Variants in TM9SF3 observed in about 807,000 individuals in gnomAD.
The protein encoded by TM9SF3 is SM-11044-binding protein.
A neutral mutation model predicts 78.6 loss-of-function variants in TM9SF3; 14 were observed. That is an observed-to-expected ratio of 0.18 (90% CI 0.12 to 0.28). The LOEUF is 0.28. Ranked by LOEUF, TM9SF3 falls within the 10% of genes least tolerant of loss-of-function variation. The pLI is 1.00. For synonymous variants in TM9SF3, 231 were observed against 241.7 expected, an observed-to-expected ratio of 0.96 and a Z score of 0.41; for missense variants, 496 against 721.9, an observed-to-expected ratio of 0.69 and a Z score of 3.59.
At position 96,521,146 on chromosome 10, in the gene TM9SF3, A is replaced by C. The variant is rs1847763614; in HGVS notation, c.*1117T>G. 5.6e-6 allele frequency: 2 copies of C among 354,792 alleles called. No individual in the cohort carries two copies. Among genetic ancestry groups the C allele is most frequent in the Non-Finnish European group, 1.0e-5 (2 of 197,848 alleles). 22.0% of individuals were successfully genotyped at this position (354,792 alleles called of 1,614,324 possible). Reference sequence around the variant, plus strand: ...CAGAAGAAAACAACCCCCCTCCCAAAAGAAGTATGACACACACATTTTGAA... The same window carrying C: ...CAGAAGAAAACAACCCCCCTCCCAACAGAAGTATGACACACACATTTTGAA... On this transcript the variant is annotated 3_prime_UTR_variant, in exon 15 of 15. Transcript: ENST00000371142.
chr10:96,572,585 G>T (rs74622543), intron 2 of TM9SF3, among the ~76,000 whole-genome samples: 1,596 of 147,974 alleles, frequency 0.011, 25 homozygotes, highest in Non-Finnish European at 0.013. Context: ...GGAGTGCAAT[G>T]GCGCAATCTC....
At chr10:96,565,934 G>A (rs925435466) in intron 2 of TM9SF3, among the ~76,000 whole-genome samples, 1 of 152,092 alleles carries the variant, frequency 6.6e-6, no homozygotes, top group African/African-American at 2.4e-5. Flanking sequence ...TTCATAAGCA[G>A]GAAGATTAAA....
At chr10:96,535,165 C>T (rs1379127346) in intron 9 of TM9SF3, among the ~76,000 whole-genome samples, 2 of 152,160 alleles carry the variant, frequency 1.3e-5, no homozygotes, top group African/African-American at 4.8e-5. Context: ...TAGCATTTGT[C>T]AATATTTTCC....
chr10:96,522,360 C>T (rs761919505), intron 14 of TM9SF3, 30 bp from the exon 15 acceptor site: 1 of 1,515,156 alleles, frequency 6.6e-7, no homozygotes, highest in East Asian at 2.4e-5. Context: ...TGTTTTGAAA[C>T]AAATACATAC....
At chr10:96,545,761 C>T (rs967495456) in intron 8 of TM9SF3, among the ~76,000 whole-genome samples, 7 of 152,090 alleles carry the variant, frequency 4.6e-5, no homozygotes, top group South Asian at 4.1e-4. Context: ...TGGTGACACG[C>T]GCCTGTAATC....
At chr10:96,525,898 G>C (rs1251006316) in intron 14 of TM9SF3, among the ~76,000 whole-genome samples, 1 of 152,034 alleles carries the variant, frequency 6.6e-6, no homozygotes, top group East Asian at 1.9e-4. Flanking sequence ...CCAGAACTTA[G>C]AGTCATAAAG....
At chr10:96,575,476 G>A (rs946610082) in intron 2 of TM9SF3, among the ~76,000 whole-genome samples, 4 of 148,830 alleles carry the variant, frequency 2.7e-5, no homozygotes, top group African/African-American at 1.0e-4. Context: ...TGGGGAGGGG[G>A]GAGAATGTAA....
intron 2 of TM9SF3, among the ~76,000 whole-genome samples, chr10:96,566,989 A>G (rs1848380917): frequency 6.6e-6 from 1 of 152,240 alleles, no homozygotes; most frequent in Non-Finnish European, 1.5e-5. Context: ...TTGCCGTTAG[A>G]AACAAATATT....
chr10:96,522,998 T>C (rs1847797089), intron 14 of TM9SF3, among the ~76,000 whole-genome samples: 2 of 151,872 alleles, frequency 1.3e-5, no homozygotes, highest in Admixed American at 6.6e-5. Context: ...GGGATGTTTG[T>C]TTTGTTAAGT....
intron 1 of TM9SF3, among the ~76,000 whole-genome samples, chr10:96,581,180 C>T (rs1280686616): frequency 2.0e-5 from 3 of 152,166 alleles, no homozygotes; most frequent in African/African-American, 4.8e-5. Context: ...TGTTGGGCCC[C>T]TCTTATTTAA....
At chr10:96,534,272 C>T (rs1428059365) in intron 9 of TM9SF3, among the ~76,000 whole-genome samples, 1 of 152,162 alleles carries the variant, frequency 6.6e-6, no homozygotes, top group Admixed American at 6.5e-5. Flanking sequence ...GTGAGAATTA[C>T]AGAGCTCCAT....
At chr10:96,549,850 G>A (rs1345794163) in intron 7 of TM9SF3, among the ~76,000 whole-genome samples, 4 of 138,050 alleles carry the variant, frequency 2.9e-5, no homozygotes, top group African/African-American at 1.1e-4. Flanking sequence ...CTGCCGAATT[G>A]TAACACTAAC....
At chr10:96,562,251 T>C (rs1242172573) in intron 3 of TM9SF3, 113 bp from the exon 4 acceptor site, 18 of 796,508 alleles carry the variant, frequency 2.3e-5, no homozygotes, top group East Asian at 2.9e-5. Context: ...CCGCCCTCTC[T>C]CCCTCCCTGG....
intron 9 of TM9SF3, among the ~76,000 whole-genome samples, chr10:96,539,922 C>T (rs981840064): frequency 2.6e-5 from 4 of 152,150 alleles, no homozygotes; most frequent in Admixed American, 2.0e-4. Context: ...ATAGGAATAA[C>T]CACACCACTA....
chr10:96,568,274 T>C (rs1291387855), intron 2 of TM9SF3, among the ~76,000 whole-genome samples: 1 of 152,232 alleles, frequency 6.6e-6, no homozygotes, highest in Non-Finnish European at 1.5e-5. Flanking sequence ...GCACTCTATA[T>C]ATCTGGAAAA....
At chr10:96,537,330 AC>A (rs1408905030) in intron 9 of TM9SF3, among the ~76,000 whole-genome samples, 1 of 152,244 alleles carries the variant, frequency 6.6e-6, no homozygotes, top group Non-Finnish European at 1.5e-5. Context: ...AGTATTCAGT[AC>A]AATAATATGC....
intron 9 of TM9SF3, among the ~76,000 whole-genome samples, chr10:96,543,012 T>C (rs930372239): frequency 6.6e-6 from 1 of 152,194 alleles, no homozygotes; most frequent in Non-Finnish European, 1.5e-5. Flanking sequence ...AGTTCTACCA[T>C]TAACTGCCTG....
chr10:96,531,349 G>A (rs571672082), intron 10 of TM9SF3, among the ~76,000 whole-genome samples: 8 of 151,972 alleles, frequency 5.3e-5, no homozygotes, highest in Admixed American at 3.3e-4. Context: ...TACTTACCAC[G>A]CTATACTGTA....
At chr10:96,529,967 G>A (rs1185011811) in intron 11 of TM9SF3, among the ~76,000 whole-genome samples, 1 of 152,172 alleles carries the variant, frequency 6.6e-6, no homozygotes, top group African/African-American at 2.4e-5. Context: ...CAGGGGGCAC[G>A]GGGACATAGA....
Sources: gnomAD v4.1 joint callset for allele counts (sites outside exome capture counted in the v4.1 genomes callset) on GRCh38, gnomAD v4.1.1 for gene constraint, MANE v1.5 for transcripts, NCBI Gene and HGNC (gene_info 2026-07-23, HGNC 2026-07-21) for gene names.